Variants in DGKB observed in about 807,000 individuals in gnomAD.
The protein encoded by DGKB is 90 kDa diacylglycerol kinase.
Under a neutral mutation model 114.3 loss-of-function variants are expected in DGKB, and 67 were observed. The observed-to-expected ratio is 0.59, with a 90% CI of 0.48 to 0.72. DGKB has a LOEUF of 0.72. Ranked by LOEUF, DGKB falls within the 30% of genes least tolerant of loss-of-function variation. The probability of loss-of-function intolerance (pLI) is 0.00; values close to 1 mark genes in which losing one functional copy is unlikely to be tolerated. For synonymous variants in DGKB, 398 were observed against 323.1 expected, an observed-to-expected ratio of 1.23 and a Z score of -2.49; for missense variants, 907 against 975.2, an observed-to-expected ratio of 0.93 and a Z score of 0.93.
At chr7:14,360,766 C>A (rs562129492) in intron 21 of DGKB, among the ~76,000 whole-genome samples, 68 of 152,088 alleles carry the variant, frequency 4.5e-4, no homozygotes, top group Non-Finnish European at 8.4e-4. Flanking sequence ...AAAGCAATCT[C>A]AAAATGCAAC....
At chr7:14,852,668 G>C (rs941891321) in intron 1 of DGKB, among the ~76,000 whole-genome samples, 11 of 151,856 alleles carry the variant, frequency 7.2e-5, no homozygotes, top group African/African-American at 2.7e-4. Flanking sequence ...AAATGACTAC[G>C]AATAAAGGAT....
At position 14,772,461 on chromosome 7, in the gene DGKB, T is replaced by C. The variant is rs79827774; in HGVS notation, c.71-14730A>G. On this transcript the variant is annotated intron_variant, in intron 2 of 25. Coordinates refer to ENST00000402815, the MANE Select transcript of DGKB (RefSeq NM_001350709.2). ...TGGTGTGGAGGACTGTCTTACCACA[T>C]TGGATAGTAAAAATGTTGAAGAATT... 6.1e-3 allele frequency among the ~76,000 whole-genome samples: 931 copies of C among 152,208 alleles called. 3 individuals are homozygous for C. The highest frequency in any genetic ancestry group is 0.021 in the African/African-American group (891 of 41,550).
intron 1 of DGKB, among the ~76,000 whole-genome samples, chr7:14,852,230 ATTAAG>A (rs1004791317): frequency 1.3e-5 from 2 of 151,956 alleles, no homozygotes; most frequent in South Asian, 4.2e-4. Context: ...CTCTTAATTT[ATTAAG>A]TTATTATTGT....
intron 20 of DGKB, among the ~76,000 whole-genome samples, chr7:14,519,119 C>T (rs1789323874): frequency 1.3e-5 from 2 of 151,970 alleles, no homozygotes; most frequent in African/African-American, 2.4e-5. Flanking sequence ...TCATAAAATT[C>T]ACTCATTGAA....
intron 2 of DGKB, among the ~76,000 whole-genome samples, chr7:14,771,639 A>T (rs1193672937): frequency 6.6e-6 from 1 of 152,004 alleles, no homozygotes; most frequent in Admixed American, 6.6e-5. Context: ...AACCCTGTAT[A>T]TTGTGACTTA....
intron 2 of DGKB, among the ~76,000 whole-genome samples, chr7:14,771,805 C>G (rs1837452863): frequency 6.6e-6 from 1 of 152,112 alleles, no homozygotes; most frequent in African/African-American, 2.4e-5. Context: ...GTTTTCCTTC[C>G]TTTCTTTCCA....
chr7:14,433,565 A>G (rs756675748), intron 21 of DGKB, among the ~76,000 whole-genome samples: 4 of 152,162 alleles, frequency 2.6e-5, no homozygotes, highest in Non-Finnish European at 5.9e-5. Flanking sequence ...CCTGAAAAAA[A>G]CCACTACATA....
At chr7:14,812,735 C>T (rs1843609991) in intron 2 of DGKB, among the ~76,000 whole-genome samples, 1 of 152,160 alleles carries the variant, frequency 6.6e-6, no homozygotes, top group Non-Finnish European at 1.5e-5. Context: ...TAATTCTTCT[C>T]TTAGCTCCCA....
At chr7:14,325,146 G>C (rs1464206434) in intron 23 of DGKB, among the ~76,000 whole-genome samples, 1 of 152,114 alleles carries the variant, frequency 6.6e-6, no homozygotes, top group East Asian at 1.9e-4. Flanking sequence ...CAGCCACTTA[G>C]AGAGTGCTCT....
intron 1 of DGKB, among the ~76,000 whole-genome samples, chr7:14,869,601 A>G (rs1852170813): frequency 1.3e-5 from 2 of 152,196 alleles, no homozygotes; most frequent in African/African-American, 4.8e-5. Context: ...ATAATCAATC[A>G]TACTTCAACA....
chr7:14,780,493 T>A (rs532134643), intron 2 of DGKB, among the ~76,000 whole-genome samples: 2 of 152,358 alleles, frequency 1.3e-5, no homozygotes, highest in East Asian at 3.9e-4. Flanking sequence ...GCAGTTGTGA[T>A]GCTAGGTTAA....
chr7:14,420,928 A>G (rs1199574372), intron 21 of DGKB, among the ~76,000 whole-genome samples: 1 of 152,032 alleles, frequency 6.6e-6, no homozygotes, highest in Admixed American at 6.6e-5. Flanking sequence ...CAAAGGATCA[A>G]ATGCTACTCC....
At chr7:14,701,967 A>T (rs546067672) in intron 6 of DGKB, among the ~76,000 whole-genome samples, 1 of 152,334 alleles carries the variant, frequency 6.6e-6, no homozygotes, top group South Asian at 2.1e-4. Context: ...GAAGACACTA[A>T]AAAGTACTAT....
intron 21 of DGKB, among the ~76,000 whole-genome samples, chr7:14,396,831 G>T (rs1187106862): frequency 6.6e-6 from 1 of 152,130 alleles, no homozygotes; most frequent in East Asian, 1.9e-4. Context: ...AAACTCTGAA[G>T]ACTGAAGCCA....
intron 23 of DGKB, among the ~76,000 whole-genome samples, chr7:14,331,621 G>T (rs1453799567): frequency 6.6e-6 from 1 of 151,970 alleles, no homozygotes; most frequent in African/African-American, 2.4e-5. Flanking sequence ...ATAATGTAAA[G>T]CACACATAGA....
chr7:14,682,988 G>T (rs866632025), intron 10 of DGKB, 147 bp from the exon 11 acceptor site: 2 of 635,732 alleles, frequency 3.1e-6, no homozygotes, highest in Non-Finnish European at 5.6e-6. Flanking sequence ...AGTCCAAGTC[G>T]ACTGTTTTTA....
chr7:14,333,405 G>A (rs1035471930), intron 23 of DGKB, among the ~76,000 whole-genome samples: 20 of 148,440 alleles, frequency 1.3e-4, no homozygotes, highest in African/African-American at 4.0e-4. Flanking sequence ...AGCTTGCAGT[G>A]AGCCGAGATC....
At chr7:14,196,063 G>A (rs1312436818) in intron 23 of DGKB, among the ~76,000 whole-genome samples, 3 of 152,088 alleles carry the variant, frequency 2.0e-5, no homozygotes, top group Non-Finnish European at 2.9e-5. Flanking sequence ...ATGACGTCTG[G>A]TGACTTGCCA....
chr7:14,917,709 A>T (rs1321398138), intron 1 of DGKB, among the ~76,000 whole-genome samples: 1 of 151,952 alleles, frequency 6.6e-6, no homozygotes, highest in Non-Finnish European at 1.5e-5. Context: ...AAATAATACC[A>T]ATTCTCTAAA....
Sources: gnomAD v4.1 joint callset for allele counts (sites outside exome capture counted in the v4.1 genomes callset) on GRCh38, gnomAD v4.1.1 for gene constraint, MANE v1.5 for transcripts, NCBI Gene and HGNC (gene_info 2026-07-23, HGNC 2026-07-21) for gene names.